The following EPHB2 variants were observed in gnomAD, a reference collection of about 807,000 sequenced individuals.
The protein encoded by EPHB2 is ephrin type-B receptor 2.
A neutral mutation model predicts 96.4 loss-of-function variants in EPHB2; 18 were observed. The observed-to-expected ratio is 0.19, with a 90% CI of 0.13 to 0.28. The LOEUF is 0.28. EPHB2 is among the 10% of genes least tolerant of loss of function. The pLI, the probability that EPHB2 is intolerant of heterozygous loss-of-function variation, is 1.00. For synonymous variants in EPHB2, 506 were observed against 534.1 expected (o/e 0.95, Z 0.72); for missense variants, 989 against 1,355.4 (o/e 0.73, Z 4.25).
At chr1:22,805,699 G>A (rs1385289482) in intron 3 of EPHB2, among the ~76,000 whole-genome samples, 1 of 152,224 alleles carries the variant, frequency 6.6e-6, no homozygotes, top group East Asian at 1.9e-4. Context: ...GGGTGAGGGT[G>A]AGAATCAGGC....
intron 3 of EPHB2, among the ~76,000 whole-genome samples, chr1:22,859,623 C>T (rs750602364): frequency 6.6e-6 from 1 of 152,032 alleles, no homozygotes; most frequent in Admixed American, 6.5e-5. Context: ...GGTGAAACCC[C>T]GTGTCTACTA....
intron 1 of EPHB2, among the ~76,000 whole-genome samples, chr1:22,777,581 T>C (rs922112795): frequency 1.3e-5 from 2 of 152,160 alleles, no homozygotes; most frequent in Non-Finnish European, 2.9e-5. Flanking sequence ...GAGAACAGAA[T>C]TTGACTTTTG....
chr1:22,902,716 T>C (rs1202281875), intron 9 of EPHB2, among the ~76,000 whole-genome samples: 1 of 152,158 alleles, frequency 6.6e-6, no homozygotes, highest in Non-Finnish European at 1.5e-5. Flanking sequence ...AACTAAGCCC[T>C]CACGGGCAGC....
At position 22,790,388 on chromosome 1, in the gene EPHB2, T is replaced by TCCCCAA. The variant is rs1328291797; in HGVS notation, c.811+5318_811+5323dup. Reference sequence around the variant, plus strand: ...CTTCCTTTAGAAGAGCCCTGTTCCCTCCCCAACCCCAGTCCCCGCTGGGGC... The same window carrying TCCCCAA: ...CTTCCTTTAGAAGAGCCCTGTTCCCTCCCCAACCCCAACCCCAGTCCCCGCTGGGGC... On this transcript the variant is annotated intron_variant, in intron 3 of 15. Transcript: ENST00000374630. The surrounding 1 kb of genome is among the most constrained non-coding windows in gnomAD (Gnocchi z 4.0). 2.6e-5 allele frequency among the ~76,000 whole-genome samples: 4 copies of TCCCCAA among 152,110 alleles called. No homozygotes were observed. The highest frequency in any genetic ancestry group is 9.7e-5 in the African/African-American group (4 of 41,412).
At chr1:22,781,522 A>G (rs764367273) in intron 2 of EPHB2, 37 bp downstream of exon 2, 1 of 1,608,582 alleles carries the variant, frequency 6.2e-7, no homozygotes, top group Non-Finnish European at 8.5e-7. Context: ...ATTGGTCCCC[A>G]GGATCCCTCA....
At chr1:22,907,017 A>G in intron 11 of EPHB2, 60 bp downstream of exon 11, 1 of 1,544,360 alleles carries the variant, frequency 6.5e-7, no homozygotes, top group Non-Finnish European at 8.7e-7. Context: ...AACGATGGAC[A>G]TAGCTTCATA....
rs1161160240 is a variant in EPHB2, at chr1:22,846,732, T to A, written c.812-16305T>A. On this transcript the variant is annotated intron_variant, in intron 3 of 15. Coordinates refer to ENST00000374630, the MANE Select transcript of EPHB2 (RefSeq NM_017449.5). The surrounding 1 kb of genome is among the most constrained non-coding windows in gnomAD (Gnocchi z 4.3). ...ACGCTGCTCCCTCAGCCTCGCATGC[T>A]TCTCCTTTCTTGCTTTTGTCTTGTC... Among the ~76,000 whole-genome samples the A allele has an allele frequency of 6.6e-6, 1 of 152,208 alleles. No homozygotes were observed. Among genetic ancestry groups the A allele is most frequent in the African/African-American group, 2.4e-5 (1 of 41,454 alleles).
In EPHB2 at chr1:22,913,893, C is replaced by T. The variant is rs774664020; in HGVS notation, c.*323C>T. The T allele has an allele frequency of 5.1e-6, 8 of 1,569,840 alleles. No homozygotes were observed. The highest frequency in any genetic ancestry group is 6.0e-6 in the Non-Finnish European group (7 of 1,160,110). ...TAAAAAAGGGCTTGGGAGATTCATGCGATGTGTCCAATCGGAGACAAAAGC... is the reference window on the plus strand; with the variant it reads ...TAAAAAAGGGCTTGGGAGATTCATGTGATGTGTCCAATCGGAGACAAAAGC... On this transcript the variant is annotated 3_prime_UTR_variant, in exon 16 of 16. Coordinates refer to ENST00000374630, the MANE Select transcript of EPHB2 (RefSeq NM_017449.5). This position sits in a 1 kb window ranked among gnomAD's most constrained non-coding sequence, Gnocchi z 4.1.
chr1:22,805,966 G>C (rs1041539545), intron 3 of EPHB2, among the ~76,000 whole-genome samples: 2 of 152,178 alleles, frequency 1.3e-5, no homozygotes, highest in Admixed American at 1.3e-4. Context: ...GACCATCCAT[G>C]CCCGCAGAGC....
In EPHB2 at chr1:22,906,622, G is replaced by T. The variant is rs559818228; in HGVS notation, c.1889-88G>T. 282 of 1,588,352 alleles carry T rather than the reference G, an allele frequency of 1.8e-4. 3 individuals are homozygous for T. In the South Asian group the frequency reaches 3.0e-3, roughly 17 times the overall value. ...CATTGAGAAGAAAATGTACCTGCAG[G>T]CCCCGTGAGTGGACATGACAGGGAA... On this transcript the variant is annotated intron_variant, in intron 10 of 15. Coordinates refer to ENST00000374630, the MANE Select transcript of EPHB2 (RefSeq NM_017449.5). This position sits in a 1 kb window ranked among gnomAD's most constrained non-coding sequence, Gnocchi z 4.8.
chr1:22,783,013 C>T (rs1644557053), intron 2 of EPHB2, among the ~76,000 whole-genome samples: 1 of 152,222 alleles, frequency 6.6e-6, no homozygotes, highest in Non-Finnish European at 1.5e-5. Flanking sequence ...GCCACCCCCA[C>T]AGTCACATTT....
chr1:22,815,624 G>A (rs1289151900), intron 3 of EPHB2, among the ~76,000 whole-genome samples: 2 of 152,264 alleles, frequency 1.3e-5, no homozygotes, highest in Non-Finnish European at 2.9e-5. Context: ...CTCAGGGGCC[G>A]TTCAAAGATT....
At chr1:22,887,443 G>A (rs528358770) in intron 6 of EPHB2, among the ~76,000 whole-genome samples, 3 of 152,250 alleles carry the variant, frequency 2.0e-5, no homozygotes, top group Admixed American at 6.5e-5. Flanking sequence ...GGCCTGTGTG[G>A]CCCCCACCTC....
chr1:22,913,307 C>A lies in EPHB2; in HGVS notation c.2853-155C>A. On this transcript the variant is annotated intron_variant, in intron 15 of 15. Transcript: ENST00000374630. This position sits in a 1 kb window ranked among gnomAD's most constrained non-coding sequence, Gnocchi z 4.1. Reference sequence around the variant, plus strand: ...CTTCCACCTCACACCATAGTCGCTCCCTCCAGCTGTGGCTGCCTGCCCACT... The same window carrying A: ...CTTCCACCTCACACCATAGTCGCTCACTCCAGCTGTGGCTGCCTGCCCACT... The A allele has an allele frequency of 1.1e-6, 1 of 934,404 alleles. No homozygotes were observed. The highest frequency in any genetic ancestry group is 1.7e-6 in the Non-Finnish European group (1 of 600,116). The allele number at this position is 934,404 out of a possible 1,614,324, so 57.9% of individuals were successfully genotyped here. A position where few individuals can be genotyped will look rare whatever the true frequency, so the allele number is the denominator to read the frequency against.
At chr1:22,845,838 T>C (rs190047519) in intron 3 of EPHB2, among the ~76,000 whole-genome samples, 168 of 152,306 alleles carry the variant, frequency 1.1e-3, no homozygotes, top group African/African-American at 3.8e-3. Context: ...TTGCTCTAAA[T>C]GGCCATGTCT....
intron 1 of EPHB2, among the ~76,000 whole-genome samples, chr1:22,730,739 G>A (rs1643691121): frequency 6.6e-6 from 1 of 152,168 alleles, no homozygotes; most frequent in East Asian, 1.9e-4. Flanking sequence ...AGGGCCAGGG[G>A]AGAATGGGAG....
chr1:22,799,688 C>T (rs1013880743), intron 3 of EPHB2, among the ~76,000 whole-genome samples: 1 of 152,166 alleles, frequency 6.6e-6, no homozygotes, highest in African/African-American at 2.4e-5. Context: ...CCAGTCCACA[C>T]AGCAAGTAAG....
intron 9 of EPHB2, among the ~76,000 whole-genome samples, chr1:22,901,820 A>AGTGTGTGTGTGT (rs57503593): frequency 0.026 from 3,803 of 148,536 alleles, 87 homozygotes; most frequent in East Asian, 0.056. Flanking sequence ...TGTGTGTGTG[A>AGTGTGTGTGTGT]GTGTGTGTGT....
chr1:22,727,509 T>C (rs1179019146), intron 1 of EPHB2, among the ~76,000 whole-genome samples: 1 of 152,198 alleles, frequency 6.6e-6, no homozygotes, highest in Admixed American at 6.5e-5. Context: ...CCATCGAGCC[T>C]GGACAACCCA....
Sources: allele counts gnomAD v4.1 joint callset (sites outside exome capture counted in the v4.1 genomes callset), GRCh38; gene constraint gnomAD v4.1.1; non-coding constraint Gnocchi (gnomAD v3.1); transcripts MANE v1.5; gene names NCBI Gene and HGNC (gene_info 2026-07-23, HGNC 2026-07-21).